Variants in KCNMA1 observed in about 807,000 individuals in gnomAD.
The protein encoded by KCNMA1 is Calcium-activated potassium channel subunit alpha-1.
Under a neutral mutation model 140.0 loss-of-function variants are expected in KCNMA1, and 29 were observed. That is an observed-to-expected ratio of 0.21 (90% CI 0.15 to 0.28). KCNMA1 has a LOEUF of 0.28. KCNMA1 is among the 10% of genes least tolerant of loss of function. KCNMA1 has a pLI of 1.00. For missense variants in KCNMA1, 880 were observed against 1,602.2 expected (o/e 0.55, Z 7.70); for synonymous variants, 612 against 611.9 (o/e 1.00, Z 0.00).
At chr10:77,242,899 TACACACACACACACACACAC>T (rs199668848) in intron 3 of KCNMA1, among the ~76,000 whole-genome samples, 4 of 111,578 alleles carry the variant, frequency 3.6e-5, no homozygotes, top group African/African-American at 6.9e-5. Context: ...AATTGTTTCC[TACACACACACACACACACAC>T]ACACACACAC....
chr10:77,170,944 G>T (rs2098699756), intron 5 of KCNMA1, among the ~76,000 whole-genome samples: 1 of 152,154 alleles, frequency 6.6e-6, no homozygotes, highest in Admixed American at 6.5e-5. Context: ...AAATGACTCA[G>T]ATTTTAATCT....
At chr10:77,158,392 G>T (rs552712316) in intron 5 of KCNMA1, among the ~76,000 whole-genome samples, 34 of 152,292 alleles carry the variant, frequency 2.2e-4, no homozygotes, top group Admixed American at 3.9e-4. Flanking sequence ...ATAGCTTGTT[G>T]CTCAAGGTCA....
At chr10:77,516,458 C>A (rs1004806346) in intron 1 of KCNMA1, among the ~76,000 whole-genome samples, 2 of 152,240 alleles carry the variant, frequency 1.3e-5, no homozygotes, top group African/African-American at 4.8e-5. Context: ...TAGACCTAAC[C>A]CAATGAGGGC....
At chr10:77,176,654 C>T (rs762369996) in intron 5 of KCNMA1, among the ~76,000 whole-genome samples, 5 of 152,108 alleles carry the variant, frequency 3.3e-5, no homozygotes, top group South Asian at 4.1e-4. Context: ...AACAGGGGCC[C>T]GGATCCCAGC....
At chr10:77,032,700 AT>A (rs1232187272) in intron 15 of KCNMA1, among the ~76,000 whole-genome samples, 1 of 151,840 alleles carries the variant, frequency 6.6e-6, no homozygotes, top group Non-Finnish European at 1.5e-5. Context: ...GGTCTACCAA[AT>A]TTGACAACGA....
chr10:77,069,133 T>C (rs2096082355), intron 14 of KCNMA1, among the ~76,000 whole-genome samples: 1 of 152,172 alleles, frequency 6.6e-6, no homozygotes, highest in Non-Finnish European at 1.5e-5. Context: ...CAATAGCAGA[T>C]AGGCTAAGTA....
chr10:77,135,450 C>A (rs2097990478), intron 5 of KCNMA1, among the ~76,000 whole-genome samples: 1 of 152,078 alleles, frequency 6.6e-6, no homozygotes, highest in Admixed American at 6.6e-5. Context: ...TCCACAAAAA[C>A]CCAAAAATAG....
chr10:76,937,208 T>C (rs2060795158), intron 23 of KCNMA1, among the ~76,000 whole-genome samples: 1 of 152,218 alleles, frequency 6.6e-6, no homozygotes, highest in Non-Finnish European at 1.5e-5. Context: ...TTCTCCTTAA[T>C]TATTAACCAT....
At chr10:77,356,081 T>C (rs915433397) in intron 2 of KCNMA1, among the ~76,000 whole-genome samples, 2 of 152,224 alleles carry the variant, frequency 1.3e-5, no homozygotes, top group African/African-American at 4.8e-5. Context: ...TTACTCATTC[T>C]TTTATGTAAC....
chr10:77,514,310 G>A (rs2049517065), intron 1 of KCNMA1, among the ~76,000 whole-genome samples: 1 of 152,170 alleles, frequency 6.6e-6, no homozygotes, highest in African/African-American at 2.4e-5. Flanking sequence ...AGAAAATACT[G>A]GCAAGGGGGA....
chr10:77,557,688 C>T (rs2154558241), intron 1 of KCNMA1, among the ~76,000 whole-genome samples: 1 of 148,196 alleles, frequency 6.7e-6, no homozygotes, highest in South Asian at 2.1e-4. Flanking sequence ...GTTCTTGTCA[C>T]CCAGGCTAGA....
chr10:77,591,692 T>A (rs1302162310), intron 1 of KCNMA1, among the ~76,000 whole-genome samples: 2 of 152,188 alleles, frequency 1.3e-5, no homozygotes, highest in Admixed American at 6.5e-5. Context: ...TTACATGCAA[T>A]CCCTGTGCTC....
chr10:77,082,007 C>CTTTTTTTTTTTTTTTTTTTTTTTTTTTTT (rs201288668), intron 12 of KCNMA1, among the ~76,000 whole-genome samples: 2 of 32,500 alleles, frequency 6.2e-5, no homozygotes, highest in Non-Finnish European at 1.1e-4. Context: ...TTTTTCTTTT[C>CTTTTTTTTTTTTTTTTTTTTTTTTTTTTT]TTTTTTTTTT....
intron 5 of KCNMA1, among the ~76,000 whole-genome samples, chr10:77,161,718 T>A (rs1344650202): frequency 6.6e-6 from 1 of 152,232 alleles, no homozygotes; most frequent in East Asian, 1.9e-4. Context: ...GTGAATTCTA[T>A]CCAAAGCAAT....
intron 5 of KCNMA1, among the ~76,000 whole-genome samples, chr10:77,142,927 A>G (rs1325748578): frequency 1.3e-5 from 2 of 152,246 alleles, no homozygotes; most frequent in African/African-American, 4.8e-5. Context: ...GGAAACTTCA[A>G]TGAAAAACAT....
intron 1 of KCNMA1, among the ~76,000 whole-genome samples, chr10:77,549,602 C>T (rs1404238290): frequency 2.0e-5 from 3 of 152,228 alleles, no homozygotes; most frequent in African/African-American, 7.2e-5. Context: ...AGGACTCTGG[C>T]AGGGTCTGTG....
At chr10:76,985,253 A>T (rs958459697) in intron 19 of KCNMA1, among the ~76,000 whole-genome samples, 2 of 152,214 alleles carry the variant, frequency 1.3e-5, no homozygotes, top group African/African-American at 4.8e-5. Flanking sequence ...TAAGTCACCC[A>T]GTAAATACAC....
intron 25 of KCNMA1, chr10:76,903,681 T>C (rs1009212743): frequency 6.6e-6 from 1 of 152,242 alleles, no homozygotes; most frequent in Non-Finnish European, 1.5e-5. Flanking sequence ...AAATTGTTTA[T>C]GTAACTAAAA....
intron 9 of KCNMA1, among the ~76,000 whole-genome samples, chr10:77,102,319 G>A (rs2153829697): frequency 6.6e-6 from 1 of 152,278 alleles, no homozygotes; most frequent in South Asian, 2.1e-4. Context: ...ACATGAGTGT[G>A]GTGGAGGAAA....
Sources: allele counts gnomAD v4.1 joint callset (sites outside exome capture counted in the v4.1 genomes callset), GRCh38; gene constraint gnomAD v4.1.1; transcripts MANE v1.5; gene names NCBI Gene and HGNC (gene_info 2026-07-23, HGNC 2026-07-21).